Variants in KRT72 observed in about 807,000 individuals in gnomAD.
KRT72 encodes the protein keratin 72, also known as keratin, type II cytoskeletal 72.
In KRT72, 44 loss-of-function variants were observed where a neutral mutation model predicts 44.7. The observed-to-expected ratio is 0.98, with a 90% CI of 0.77 to 1.27. KRT72 has a LOEUF of 1.27. Among genes scored for constraint, KRT72 ranks in the 50% most tolerant of loss-of-function variants. The probability of loss-of-function intolerance (pLI) is 0.00; values close to 1 mark genes in which losing one functional copy is unlikely to be tolerated. For missense variants in KRT72, 736 were observed against 667.1 expected (o/e 1.10, Z -1.14); for synonymous variants, 302 against 280.4 (o/e 1.08, Z -0.77).
rs563017875 is a variant in KRT72 at position 52,601,243 on chromosome 12, G to A, written c.210C>T (p.Arg70=). 79 of 1,575,148 alleles carry A rather than the reference G, an allele frequency of 5.0e-5. No homozygotes were observed. In the African/African-American group the frequency reaches 9.6e-4, roughly 19 times the overall value. The change falls in exon 1 of 9, where the codon CGC becomes CGT. Residue 70 remains arginine, a synonymous_variant. Transcript: ENST00000293745. Reference sequence around the variant, plus strand: ...AGGCGGTGCCCACGAAGCCGCCCAGGCGGCCGCCGCCCCGCCGTGCAGCAG... The same window carrying A: ...AGGCGGTGCCCACGAAGCCGCCCAGACGGCCGCCGCCCCGCCGTGCAGCAG... The part of the protein sequence containing the change: ...LSAAARRGGG[R]LGGFVGTAFG...
intron 6 of KRT72, 65 bp from the exon 7 acceptor site, chr12:52,587,916 C>A: frequency 6.8e-7 from 1 of 1,476,808 alleles, no homozygotes; most frequent in Non-Finnish European, 9.2e-7. Flanking sequence ...GCTTGGACAA[C>A]CTCCCCTTGT....
Position 52,590,977 on chromosome 12 carries a change from A to C in KRT72, c.964-16T>G. ...GCTCCTGGATCTGAGGTTGGGTGACAAGAGAAGAGGAACACAAGGATCCTA... is the reference window on the plus strand; with the variant it reads ...GCTCCTGGATCTGAGGTTGGGTGACCAGAGAAGAGGAACACAAGGATCCTA... On this transcript the variant is annotated splice_polypyrimidine_tract_variant and intron_variant, in intron 5 of 8. Transcript: ENST00000293745. 6.3e-7 allele frequency: 1 copy of C among 1,577,128 alleles called. No individual in the cohort carries two copies. Among genetic ancestry groups the C allele is most frequent in the Non-Finnish European group, 8.7e-7 (1 of 1,154,724 alleles).
At chr12:52,601,504 G>A (rs1273155793), upstream of KRT72, 6 of 1,516,548 alleles carry the variant, frequency 4.0e-6, no homozygotes, top group African/African-American at 6.9e-5. Context: ...GGCGCAAACA[G>A]CCGCTGCGTT....
chr12:52,591,299 T>G (rs1283191141), intron 5 of KRT72, among the ~76,000 whole-genome samples, 165 bp downstream of exon 5: 3 of 152,120 alleles, frequency 2.0e-5, no homozygotes, highest in Admixed American at 1.3e-4. Context: ...CCCTTACCCC[T>G]GGGGTGGCAT....
chr12:52,586,812 G>A, intron 8 of KRT72, 134 bp downstream of exon 8: 1 of 830,518 alleles, frequency 1.2e-6, no homozygotes. Context: ...ACTACAGCCA[G>A]CTCCTTCCTT....
intron 2 of KRT72, among the ~76,000 whole-genome samples, chr12:52,593,646 TGTG>T (rs1264786728): frequency 6.6e-6 from 1 of 151,888 alleles, no homozygotes; most frequent in African/African-American, 2.4e-5. Context: ...ATAAGCAAAA[TGTG>T]GTGTATACAT....
At chr12:52,589,792 A>G (rs918570351) in intron 6 of KRT72, among the ~76,000 whole-genome samples, 9 of 152,220 alleles carry the variant, frequency 5.9e-5, no homozygotes, top group African/African-American at 2.2e-4. Flanking sequence ...AAAGCAAGTC[A>G]GTTTCTGGTA....
At chr12:52,587,365 A>C (rs1260704925) in intron 7 of KRT72, among the ~76,000 whole-genome samples, 2 of 151,914 alleles carry the variant, frequency 1.3e-5, no homozygotes, top group Non-Finnish European at 2.9e-5. Flanking sequence ...TCCTCCCCCC[A>C]CCCACAAAAA....
chr12:52,594,585 A>C, intron 2 of KRT72, among the ~76,000 whole-genome samples: 1 of 146,538 alleles, frequency 6.8e-6, no homozygotes, highest in Non-Finnish European at 1.5e-5. Context: ...AGGAAGGGGA[A>C]CACCACACAC....
chr12:52,599,039 T>C lies in KRT72; in HGVS notation c.500A>G (p.Asn167Ser), dbSNP rs748053887. 16 of 1,613,856 alleles carry C rather than the reference T, an allele frequency of 9.9e-6. No homozygotes were observed. The South Asian group carries it at 1.5e-4, about 16-fold the overall frequency. ...AATGGGCTCCAGGTTCTTCCTGCAG[T>C]TGTTCAAGTCCAGCTGCTGTAGGAG... ...WNLLQQLDLN[N>S]CRKNLEPIYE... The change falls in exon 2 of 9, where the codon AAC (asparagine) becomes AGC (serine). Residue 167 changes from asparagine to serine, a missense_variant. Coordinates refer to ENST00000293745, the MANE Select transcript of KRT72 (RefSeq NM_080747.3).
chr12:52,592,449 T>C lies in KRT72; in HGVS notation c.745A>G (p.Lys249Glu). 6.2e-7 allele frequency: 1 copy of C among 1,614,174 alleles called. No homozygotes were observed. The highest frequency in any genetic ancestry group is 8.5e-7 in the Non-Finnish European group (1 of 1,180,002). Residue 249 changes from lysine (K) to glutamate (E), a missense_variant, in exon 4 of 9, where the codon AAG (lysine) becomes GAG (glutamate). Physicochemically the swap from Lys to Glu is moderately conservative, Grantham distance 56. Transcript: ENST00000293745. ...ATCTCATCTGTCAAGGAGTCCACCT[T>C]GGCCTGGAGCTCAACCTTATTCATG... ...AYMNKVELQA[K>E]VDSLTDEIKF...
Position 52,586,972 on chromosome 12 carries a change from C to G in KRT72, c.1319G>C (p.Gly440Ala), listed in dbSNP as rs765652796. The G allele has an allele frequency of 3.1e-6, 5 of 1,613,762 alleles. No homozygotes were observed. The Admixed American group carries it at 5.0e-5, about 16-fold the overall frequency. The change falls in exon 8 of 9, where the codon GGC (glycine) becomes GCC (alanine). Residue 440 changes from glycine to alanine, a missense_variant. By Grantham distance (60) the Gly-to-Ala change is moderately conservative (BLOSUM62 0). Coordinates refer to ENST00000293745, the MANE Select transcript of KRT72 (RefSeq NM_080747.3). ...GATGCTCACAGAATTTGGATATTCG[C>G]CAGACATCCTGAAGAAGGAGAAGAA... ...LLESEECRMS[G>A]EYPNSVSISV... is the part of the protein sequence containing the mutation.
chr12:52,587,754 A>C lies in KRT72; in HGVS notation c.1187T>G (p.Leu396Arg), dbSNP rs777577511. Residue 396 changes from leucine (L) to arginine (R), a missense_variant, in exon 7 of 9, where the codon CTG (leucine) becomes CGG (arginine). Transcript: ENST00000293745. ...RAKLDELEGA[L>R]HQAKEELARM... ...TGCCAGCTCCTCCTTGGCCTGGTGC[A>C]GGGCGCCCTCCAGCTCATCCAGCTT... 5.6e-6 allele frequency: 9 copies of C among 1,614,194 alleles called. No homozygotes were observed. Among genetic ancestry groups the C allele is most frequent in the Non-Finnish European group, 7.6e-6 (9 of 1,180,038 alleles).
rs1467830182 is a variant in KRT72 at position 52,592,966 on chromosome 12, G to A, written c.642-14C>T. ...TCCACCTCATACCTGCATGGGGCAAGACAATGAGGTAATTCAGTTCTGCAA... is the reference window on the plus strand; with the variant it reads ...TCCACCTCATACCTGCATGGGGCAAAACAATGAGGTAATTCAGTTCTGCAA... On this transcript the variant is annotated splice_polypyrimidine_tract_variant and intron_variant, in intron 2 of 8. Transcript: ENST00000293745. 1.9e-6 allele frequency: 3 copies of A among 1,611,188 alleles called. No homozygotes were observed. Among genetic ancestry groups the A allele is most frequent in the Non-Finnish European group, 2.5e-6 (3 of 1,178,430 alleles).
In KRT72 at chr12:52,587,632, T is replaced by C. The variant is rs1164504382; in HGVS notation, c.1309A>G (p.Arg437Gly). ...YRKLLESEECRMSGEYPNSVS... is the reference protein window; with the variant it reads ...YRKLLESEECGMSGEYPNSVS... ...ACACAAGGGTATCCGGCCCCTCACC[T>C]GCACTCCTCGCTCTCCAGCAGCTTG... The change falls in exon 7 of 9, where the codon AGG becomes GGG. Residue 437 changes from arginine (R) to glycine (G), a missense_variant and splice_region_variant. Transcript: ENST00000293745. The C allele has an allele frequency of 5.6e-6, 9 of 1,614,154 alleles. No homozygotes were observed. Among genetic ancestry groups the C allele is most frequent in the Non-Finnish European group, 6.8e-6 (8 of 1,180,010 alleles).
At chr12:52,602,504 A>T (rs1161395063), upstream of KRT72, among the ~76,000 whole-genome samples, 1 of 152,208 alleles carries the variant, frequency 6.6e-6, no homozygotes, top group Non-Finnish European at 1.5e-5. Context: ...GCTGCCTTCA[A>T]GTCTCCTCCT....
At position 52,586,168 on chromosome 12, in the gene KRT72, G is replaced by A. The variant is rs1253160707; in HGVS notation, c.1350C>T (p.Val450=). 6.2e-7 allele frequency: 1 copy of A among 1,613,376 alleles called. No individual in the cohort carries two copies. Among genetic ancestry groups the A allele is most frequent in the Admixed American group, 1.7e-5 (1 of 60,012 alleles). The change falls in exon 9 of 9, where the codon GTC becomes GTT. Residue 450 remains valine, a synonymous_variant. Transcript: ENST00000293745. ...CTGCCCCAGCATTGGTGCTGCTGATGACGGCTGGAATGGATGAGAGAAGAC... is the reference window on the plus strand; with the variant it reads ...CTGCCCCAGCATTGGTGCTGCTGATAACGGCTGGAATGGATGAGAGAAGAC... ...GEYPNSVSIS[V]ISSTNAGAGG...
In KRT72 at chr12:52,587,822, G is replaced by A. The variant is rs958736818; in HGVS notation, c.1119C>T (p.Asp373=). Residue 373 remains aspartate, a synonymous_variant, in exon 7 of 9, where the codon GAC becomes GAT. Transcript: ENST00000293745. The part of the protein sequence containing the change: ...QCADLETAIA[D]AEQRGDCALK... ...GGGCGCAGTCCCCCCGCTGTTCAGC[G>A]TCGGCGATGGCCGTCTCCAGATCGG... is the stretch of plus-strand genomic sequence containing the variant. 7.4e-6 allele frequency: 12 copies of A among 1,613,994 alleles called. No homozygotes were observed. The highest frequency in any genetic ancestry group is 2.7e-5 in the African/African-American group (2 of 74,928).
At chr12:52,591,885 C>T (rs1052854074) in intron 4 of KRT72, among the ~76,000 whole-genome samples, 1 of 152,160 alleles carries the variant, frequency 6.6e-6, no homozygotes, top group African/African-American at 2.4e-5. Context: ...AACCAGCCAC[C>T]GCCACCCTCC....
Sources: allele counts gnomAD v4.1 joint callset (sites outside exome capture counted in the v4.1 genomes callset), GRCh38; gene constraint gnomAD v4.1.1; transcripts MANE v1.5; gene names NCBI Gene and HGNC (gene_info 2026-07-23, HGNC 2026-07-21).